SCN2A: variants seen among roughly 807,000 people sequenced by gnomAD.
SCN2A encodes sodium channel protein type 2 subunit alpha.
In SCN2A, 20 loss-of-function variants were observed where a neutral mutation model predicts 188.7. The observed-to-expected ratio is 0.11, with a 90% CI of 0.07 to 0.15. The LOEUF (loss-of-function observed/expected upper bound fraction) is 0.15, where lower values mean the gene tolerates loss of function less well. Ranked by LOEUF, SCN2A falls within the 10% of genes least tolerant of loss-of-function variation. SCN2A has a pLI of 1.00. For missense variants in SCN2A, 1,278 were observed against 2,445.0 expected (o/e 0.52, Z 10.07); for synonymous variants, 804 against 833.1 (o/e 0.97, Z 0.60).
At chr2:165,369,439 G>C (rs1700908150) in intron 19 of SCN2A, among the ~76,000 whole-genome samples, 1 of 152,108 alleles carries the variant, frequency 6.6e-6, no homozygotes, top group African/African-American at 2.4e-5. Flanking sequence ...ATGGAGCTCT[G>C]GTTACAAGCC....
At chr2:165,352,680 G>A (rs992908881) in intron 16 of SCN2A, among the ~76,000 whole-genome samples, 23 of 152,204 alleles carry the variant, frequency 1.5e-4, no homozygotes, top group Admixed American at 1.3e-3. Flanking sequence ...CAGTCAAAAT[G>A]TTGTTTCCTG....
At chr2:165,300,387 G>C (rs1167833733) in intron 3 of SCN2A, among the ~76,000 whole-genome samples, 2 of 152,212 alleles carry the variant, frequency 1.3e-5, no homozygotes, top group African/African-American at 4.8e-5. Flanking sequence ...TGTGTGTTTG[G>C]AAGAAGAAAG....
chr2:165,299,002 G>C (rs1362791595), intron 3 of SCN2A, among the ~76,000 whole-genome samples: 1 of 152,012 alleles, frequency 6.6e-6, no homozygotes, highest in Non-Finnish European at 1.5e-5. Flanking sequence ...ATGATGAGAT[G>C]GAGTTAAGAA....
intron 14 of SCN2A, among the ~76,000 whole-genome samples, chr2:165,335,252 T>C (rs1206170261): frequency 1.3e-5 from 2 of 151,580 alleles, no homozygotes; most frequent in Non-Finnish European, 3.0e-5. Flanking sequence ...AAGTGATAAA[T>C]TGACTGTAAA....
intron 25 of SCN2A, among the ~76,000 whole-genome samples, chr2:165,382,701 G>C (rs961209293): frequency 1.3e-5 from 2 of 152,054 alleles, no homozygotes; most frequent in African/African-American, 4.8e-5. Flanking sequence ...TGAAACTGTT[G>C]GTTCCACTAT....
At chr2:165,296,823 T>C (rs1696536079) in intron 2 of SCN2A, 194 bp from the exon 3 acceptor site, 1 of 400,378 alleles carries the variant, frequency 2.5e-6, no homozygotes, top group Non-Finnish European at 4.5e-6. Context: ...AATCCTCATG[T>C]CATTTATCAA....
chr2:165,323,373 G>T lies in SCN2A; in HGVS notation c.1889G>T (p.Arg630Leu). The change falls in exon 12 of 27, where the codon CGT becomes CTT. Residue 630 changes from arginine to leucine, a missense_variant. By Grantham distance (102) the Arg-to-Leu change is moderately radical. This residue lies in a region of SCN2A where 315 missense variants were observed against 386.6 expected (regional missense o/e 0.81). Coordinates refer to ENST00000375437, the MANE Select transcript of SCN2A (RefSeq NM_001040142.2). Reference protein sequence around the residue: ...RRHSNVSQASRASRVLPILPM... With the variant: ...RRHSNVSQASLASRVLPILPM... ...CACAGCAATGTCAGCCAGGCCAGCC[G>T]TGCCTCCAGGGTGCTCCCCATCCTG... The T allele has an allele frequency of 6.2e-7, 1 of 1,614,172 alleles. No individual in the cohort carries two copies. Among genetic ancestry groups the T allele is most frequent in the Non-Finnish European group, 8.5e-7 (1 of 1,180,024 alleles).
chr2:165,312,488 T>C (rs1697491547), intron 8 of SCN2A, among the ~76,000 whole-genome samples: 1 of 152,096 alleles, frequency 6.6e-6, no homozygotes, highest in African/African-American at 2.4e-5. Flanking sequence ...ATGGGGAGTA[T>C]TTAGCATATT....
At chr2:165,338,026 C>T (rs1247735966) in intron 14 of SCN2A, among the ~76,000 whole-genome samples, 1 of 152,082 alleles carries the variant, frequency 6.6e-6, no homozygotes, top group African/African-American at 2.4e-5. Flanking sequence ...AGGTAATAAG[C>T]ATAGTACTCT....
chr2:165,346,073 G>C (rs1428210653), intron 16 of SCN2A, among the ~76,000 whole-genome samples: 4 of 152,132 alleles, frequency 2.6e-5, no homozygotes, highest in African/African-American at 9.7e-5. Flanking sequence ...TCTGCCGAGA[G>C]ATCTGCTGTT....
intron 11 of SCN2A, among the ~76,000 whole-genome samples, chr2:165,316,349 A>G (rs1187405481): frequency 1.3e-5 from 2 of 151,890 alleles, no homozygotes; most frequent in African/African-American, 4.9e-5. Context: ...CATGTTAAAC[A>G]TGGGACTTGC....
Position 165,348,358 on chromosome 2 carries a change from C to CAAA in SCN2A, c.2919+3463_2919+3465dup, listed in dbSNP as rs559810900. ...TGGGTGAAAGAGCGAGACTCTGTTG[C>CAAA]AAAAAAAAAAAAAAAAAAGCATATA... On this transcript the variant is annotated intron_variant, in intron 16 of 26. Coordinates refer to ENST00000375437, the MANE Select transcript of SCN2A (RefSeq NM_001040142.2). Among the ~76,000 whole-genome samples the CAAA allele has an allele frequency of 9.1e-3, 734 of 80,586 alleles. 14 individuals carry two copies. Among genetic ancestry groups the CAAA allele is most frequent in the African/African-American group, 0.034 (682 of 19,838 alleles). 52.9% of individuals were successfully genotyped at this position (80,586 alleles called of 152,430 possible). A position where few individuals can be genotyped will look rare whatever the true frequency, so the allele number is the denominator to read the frequency against.
At chr2:165,373,472 A>T (rs1701148995) in intron 21 of SCN2A, 125 bp downstream of exon 21, 1 of 1,052,658 alleles carries the variant, frequency 9.5e-7, no homozygotes, top group Non-Finnish European at 1.4e-6. Flanking sequence ...ATAGCTAATC[A>T]ATCAAAAATA....
At chr2:165,282,989 T>A (rs1244305340) in intron 1 of SCN2A, among the ~76,000 whole-genome samples, 1 of 152,188 alleles carries the variant, frequency 6.6e-6, no homozygotes, top group African/African-American at 2.4e-5. Flanking sequence ...ACATAAATGA[T>A]GTGTCCTGTT....
At chr2:165,372,045 A>G (rs1187861199) in intron 20 of SCN2A, 1 of 152,172 alleles carries the variant, frequency 6.6e-6, no homozygotes, top group African/African-American at 2.4e-5. Context: ...TCATCCTTTA[A>G]CTTATGCTTA....
intron 1 of SCN2A, chr2:165,267,970 G>T (rs1329468039): frequency 6.6e-6 from 1 of 152,022 alleles, no homozygotes; most frequent in East Asian, 1.9e-4. Context: ...AGGATGTGGA[G>T]AAAACAAAAG....
chr2:165,389,511 G>A lies in SCN2A; in HGVS notation c.5705G>A (p.Arg1902His), dbSNP rs747710683. The stretch of plus-strand genomic sequence containing the variant: ...GAGCCCATTACGACCACGTTGAAAC[G>A]CAAACAAGAGGAGGTGTCTGCTATT... Reference protein sequence around the residue: ...SYEPITTTLKRKQEEVSAIII... With the variant: ...SYEPITTTLKHKQEEVSAIII... The change falls in exon 27 of 27, where the codon CGC becomes CAC. Residue 1902 changes from arginine to histidine, a missense_variant. Physicochemically the swap from Arg to His is conservative, Grantham distance 29. Around this residue, in one of 17 missense-constraint regions of SCN2A, gnomAD observed 109 missense variants for 137.9 expected, o/e 0.79. Coordinates refer to ENST00000375437, the MANE Select transcript of SCN2A (RefSeq NM_001040142.2). This position sits in a 1 kb window ranked among gnomAD's most constrained non-coding sequence, Gnocchi z 4.2. The A allele has an allele frequency of 1.3e-5, 21 of 1,613,754 alleles. No homozygotes were observed. In the Admixed American group the frequency reaches 1.5e-4, roughly 12 times the overall value.
Position 165,390,860 on chromosome 2 carries a change from T to C in SCN2A, c.*1036T>C, listed in dbSNP as rs562663760. On this transcript the variant is annotated 3_prime_UTR_variant, in exon 27 of 27. Transcript: ENST00000375437. ...TTTATCCTGCAGTATTGTTTAGCCA[T>C]CTTCTGCTCTTGGTAAGGTTGACAT... 2.3e-3 allele frequency: 355 copies of C among 152,698 alleles called. 1 individual carries two copies. The highest frequency in any genetic ancestry group is 7.8e-3 in the African/African-American group (323 of 41,568). 9.5% of individuals were successfully genotyped at this position (152,698 alleles called of 1,614,324 possible).
chr2:165,258,513 A>G (rs1694428989), intron 1 of SCN2A, among the ~76,000 whole-genome samples: 1 of 152,188 alleles, frequency 6.6e-6, no homozygotes, highest in Admixed American at 6.5e-5. Flanking sequence ...GCAATTATGG[A>G]AAACAGTGTG....
Sources: allele counts gnomAD v4.1 joint callset (sites outside exome capture counted in the v4.1 genomes callset), GRCh38; gene constraint gnomAD v4.1.1; regional missense constraint gnomAD v4.1.1; non-coding constraint Gnocchi (gnomAD v3.1); transcripts MANE v1.5; gene names NCBI Gene and HGNC (gene_info 2026-07-23, HGNC 2026-07-21).